Variants in NEURL1 observed in about 807,000 individuals in gnomAD.
NEURL1 encodes E3 ubiquitin-protein ligase NEURL1.
A neutral mutation model predicts 41.2 loss-of-function variants in NEURL1; 26 were observed. The observed-to-expected ratio is 0.63, with a 90% confidence interval of 0.46 to 0.87. The LOEUF is 0.87. Among genes scored for constraint, NEURL1 ranks in the 40% least tolerant of loss-of-function variants. The probability of loss-of-function intolerance (pLI) is 0.00; values close to 1 mark genes in which losing one functional copy is unlikely to be tolerated. For synonymous variants in NEURL1, 400 were observed against 402.3 expected (o/e 0.99, Z 0.07); for missense variants, 761 against 871.1 (o/e 0.87, Z 1.59).
At chr10:103,503,764 G>C (rs1419830003) in intron 1 of NEURL1, among the ~76,000 whole-genome samples, 1 of 149,190 alleles carries the variant, frequency 6.7e-6, no homozygotes, top group Non-Finnish European at 1.5e-5. Flanking sequence ...ATATGTGCTA[G>C]AGCTCATGCT....
chr10:103,548,686 G>A (rs2133866721), intron 1 of NEURL1, among the ~76,000 whole-genome samples: 1 of 152,372 alleles, frequency 6.6e-6, no homozygotes, highest in Non-Finnish European at 1.5e-5. Context: ...CTGGGACAGA[G>A]ACTTTAGTCC....
intron 4 of NEURL1, among the ~76,000 whole-genome samples, chr10:103,589,115 G>A (rs773273473): frequency 6.6e-6 from 1 of 152,182 alleles, no homozygotes; most frequent in Non-Finnish European, 1.5e-5. Flanking sequence ...CTCCGAACAG[G>A]AGGGTGAGGT....
chr10:103,501,360 T>C (rs1473682843), intron 1 of NEURL1, among the ~76,000 whole-genome samples: 1 of 151,994 alleles, frequency 6.6e-6, no homozygotes, highest in Non-Finnish European at 1.5e-5. Context: ...CAGCCTTCTG[T>C]CCTAGGCCAC....
rs1175483794 is a variant in NEURL1, at chr10:103,545,506, C to T, written c.86-25366C>T. Among the ~76,000 whole-genome samples, 1 of 152,166 alleles carries T rather than the reference C, an allele frequency of 6.6e-6. No homozygotes were observed. Among genetic ancestry groups the T allele is most frequent in the African/African-American group, 2.4e-5 (1 of 41,414 alleles). ...AGCCACTGGCCTTTCCTGAGAGGCA[C>T]TGCATGGACCCCATTACTCACAGGT... On this transcript the variant is annotated intron_variant, in intron 1 of 5. Coordinates refer to ENST00000369780, the MANE Select transcript of NEURL1 (RefSeq NM_004210.5). The surrounding 1 kb of genome is among the most constrained non-coding windows in gnomAD (Gnocchi z 4.5).
chr10:103,556,897 C>T lies in NEURL1; in HGVS notation c.86-13975C>T, dbSNP rs1225125980. ...GTCTGGAGCCGACTGGCATTTTCCA[C>T]TGGAGTCAGACTTGGGCAAGCCTGT... On this transcript the variant is annotated intron_variant, in intron 1 of 5. Transcript: ENST00000369780. The surrounding 1 kb of genome is among the most constrained non-coding windows in gnomAD (Gnocchi z 4.4). Among the ~76,000 whole-genome samples the T allele has an allele frequency of 1.3e-5, 2 of 152,190 alleles. No individual in the cohort carries two copies. The highest frequency in any genetic ancestry group is 3.9e-4 in the East Asian group (2 of 5,178).
chr10:103,590,137 C>G lies in NEURL1; in HGVS notation c.1490C>G (p.Thr497Arg), dbSNP rs1197987685. The change falls in exon 6 of 6, where the codon ACA (threonine) becomes AGA (arginine). Residue 497 changes from threonine to arginine, a missense_variant. Thr to Arg is a moderately conservative substitution (Grantham distance 71). Coordinates refer to ENST00000369780, the MANE Select transcript of NEURL1 (RefSeq NM_004210.5). ...SGPLGSSAGG[T>R]APNSPVSLPE... ...ACTGGTGCCCCCTTGTCCTCAGGGA[C>G]AGCCCCCAATTCGCCAGTGAGCCTG... is the stretch of plus-strand genomic sequence containing the variant. 4.3e-6 allele frequency: 7 copies of G among 1,613,618 alleles called. No homozygotes were observed. Among genetic ancestry groups the G allele is most frequent in the Non-Finnish European group, 5.9e-6 (7 of 1,180,012 alleles).
At chr10:103,534,763 G>C (rs1305567300) in intron 1 of NEURL1, among the ~76,000 whole-genome samples, 3 of 152,140 alleles carry the variant, frequency 2.0e-5, no homozygotes, top group Non-Finnish European at 4.4e-5. Context: ...TGGCTGTGGG[G>C]CTGGGGTCCT....
At chr10:103,570,826 C>G (rs753235703) in intron 1 of NEURL1, 46 bp from the exon 2 acceptor site, 1 of 1,585,124 alleles carries the variant, frequency 6.3e-7, no homozygotes, top group South Asian at 1.2e-5. Context: ...TGGTCTGGCT[C>G]TTGGACCCGC....
At chr10:103,559,113 C>A (rs1004542896) in intron 1 of NEURL1, among the ~76,000 whole-genome samples, 3 of 152,164 alleles carry the variant, frequency 2.0e-5, no homozygotes, top group Admixed American at 6.5e-5. Context: ...GCCGGTCCCC[C>A]ACTTACCGTT....
chr10:103,552,349 A>G (rs1201711208), intron 1 of NEURL1, among the ~76,000 whole-genome samples: 1 of 152,126 alleles, frequency 6.6e-6, no homozygotes, highest in Non-Finnish European at 1.5e-5. Context: ...TGGCTCGGCA[A>G]TGGAGCGTTT....
intron 1 of NEURL1, among the ~76,000 whole-genome samples, chr10:103,516,113 A>C (rs2034198894): frequency 6.6e-6 from 1 of 151,084 alleles, no homozygotes; most frequent in Non-Finnish European, 1.5e-5. Context: ...CTGTAGTCCC[A>C]GCTACTTGGG....
intron 1 of NEURL1, chr10:103,550,802 G>A (rs1289251222): frequency 2.0e-5 from 3 of 152,180 alleles, no homozygotes; most frequent in East Asian, 1.9e-4. Flanking sequence ...TTGAAGCCTC[G>A]TTTGTCTTGC....
At chr10:103,562,570 T>C (rs1037533947) in intron 1 of NEURL1, among the ~76,000 whole-genome samples, 1 of 152,198 alleles carries the variant, frequency 6.6e-6, no homozygotes, top group Admixed American at 6.5e-5. Context: ...AAAATCATTC[T>C]GGATGCAGAA....
chr10:103,588,614 G>C, intron 4 of NEURL1: 1 of 356,042 alleles, frequency 2.8e-6, no homozygotes, highest in South Asian at 2.1e-5. Flanking sequence ...GAAGGGAGGA[G>C]AGAAGGAAGG....
intron 1 of NEURL1, among the ~76,000 whole-genome samples, chr10:103,536,794 A>G (rs1239994469): frequency 1.3e-5 from 2 of 152,232 alleles, no homozygotes; most frequent in Non-Finnish European, 2.9e-5. Context: ...TAATTTAACC[A>G]TCTTAACCAT....
At chr10:103,509,582 C>G (rs2034024964) in intron 1 of NEURL1, among the ~76,000 whole-genome samples, 1 of 152,218 alleles carries the variant, frequency 6.6e-6, no homozygotes, top group Non-Finnish European at 1.5e-5. Flanking sequence ...TTTTTCAGCT[C>G]CGTCATAATC....
intron 1 of NEURL1, chr10:103,555,204 G>T: frequency 1.5e-6 from 1 of 671,572 alleles, no homozygotes; most frequent in Non-Finnish European, 1.8e-6. Context: ...GCGTGCGCGT[G>T]TGCCGGAGGG....
chr10:103,589,548 ACTCCCCTG>A lies in NEURL1; in HGVS notation c.1384_1391del (p.Ser462LeufsTer15). On this transcript the variant is annotated frameshift_variant, in exon 5 of 6. Transcript: ENST00000369780. LOFTEE classifies it high-confidence loss of function. ...TCCTGGCCGAGCGGGGTATCCCATC[ACTCCCCTG>A]CTCCCCTGCCTCCACGCCAACCTCG... is the stretch of plus-strand genomic sequence containing the variant. The A allele has an allele frequency of 6.2e-7, 1 of 1,610,576 alleles. No individual in the cohort carries two copies. The highest frequency in any genetic ancestry group is 8.5e-7 in the Non-Finnish European group (1 of 1,178,672).
chr10:103,570,170 C>T (rs1378344950), intron 1 of NEURL1, among the ~76,000 whole-genome samples: 4 of 152,242 alleles, frequency 2.6e-5, no homozygotes, highest in Non-Finnish European at 4.4e-5. Flanking sequence ...CCATTCTTCA[C>T]GGTTCTGTTT....
Sources: allele counts gnomAD v4.1 joint callset (sites outside exome capture counted in the v4.1 genomes callset), GRCh38; gene constraint gnomAD v4.1.1; non-coding constraint Gnocchi (gnomAD v3.1); transcripts MANE v1.5; gene names NCBI Gene and HGNC (gene_info 2026-07-23, HGNC 2026-07-21).